Variants in ARHGEF7 observed in about 807,000 individuals in gnomAD.
ARHGEF7 encodes Rho guanine nucleotide exchange factor 7, also known as PAK-interacting exchange factor beta.
A neutral mutation model predicts 109.8 loss-of-function variants in ARHGEF7; 33 were observed. The observed-to-expected ratio is 0.30, with a 90% CI of 0.23 to 0.40. The LOEUF is 0.40. ARHGEF7 is among the 10% of genes least tolerant of loss of function. The pLI is 1.00. For missense variants in ARHGEF7, 938 were observed against 1,098.5 expected, an observed-to-expected ratio of 0.85 and a Z score of 2.07; for synonymous variants, 458 against 424.6, an observed-to-expected ratio of 1.08 and a Z score of -0.97.
In ARHGEF7 at chr13:111,228,841, G is replaced by A. The variant is rs953490083; in HGVS notation, c.671-4364G>A. 5.9e-5 allele frequency among the ~76,000 whole-genome samples: 9 copies of A among 151,990 alleles called. No homozygotes were observed. On this transcript the variant is annotated intron_variant, in intron 5 of 21. Transcript: ENST00000646102. This position sits in a 1 kb window ranked among gnomAD's most constrained non-coding sequence, Gnocchi z 4.6. ...GACGTGGGAATTCCGAGTTTTTCAG[G>A]GCCATGTCTGCTCTGGTGGTTGAAG...
chr13:111,274,896 T>A, intron 11 of ARHGEF7, 106 bp downstream of exon 11: 1 of 765,580 alleles, frequency 1.3e-6, no homozygotes, highest in Non-Finnish European at 1.9e-6. Flanking sequence ...TGACTTGTGC[T>A]GACATGAAAG....
intron 15 of ARHGEF7, 184 bp from the exon 16 acceptor site, chr13:111,282,955 C>G: frequency 1.2e-6 from 1 of 840,438 alleles, no homozygotes. Flanking sequence ...CCAGGTGGCG[C>G]GAGCTAGTGT....
At position 111,217,754 on chromosome 13, in the gene ARHGEF7, C is replaced by T; in HGVS notation, c.544C>T (p.Leu182Phe). Residue 182 changes from leucine (L) to phenylalanine (F), a missense_variant, in exon 5 of 22, where the codon CTT (leucine) becomes TTT (phenylalanine). Physicochemically the swap from Leu to Phe is conservative, Grantham distance 22 (BLOSUM62 0). This residue lies in a region of ARHGEF7 where 585 missense variants were observed against 723.6 expected (regional missense o/e 0.81). Coordinates refer to ENST00000646102, the MANE Select transcript of ARHGEF7 (RefSeq NM_001354046.2). Reference sequence around the variant, plus strand: ...CTTCCAGCAGACCAATGAGGACGAGCTTTCCTTCTCAAAAGGAGACGTCAT... The same window carrying T: ...CTTCCAGCAGACCAATGAGGACGAGTTTTCCTTCTCAAAAGGAGACGTCAT... ...FNFQQTNEDELSFSKGDVIHV... is the reference protein window; with the variant it reads ...FNFQQTNEDEFSFSKGDVIHV... 1 of 1,614,214 alleles carries T rather than the reference C, an allele frequency of 6.2e-7. No individual in the cohort carries two copies. Among genetic ancestry groups the T allele is most frequent in the Non-Finnish European group, 8.5e-7 (1 of 1,180,038 alleles).
At chr13:111,155,899 A>C (rs907628064) in intron 2 of ARHGEF7, among the ~76,000 whole-genome samples, 2 of 151,928 alleles carry the variant, frequency 1.3e-5, no homozygotes, top group Non-Finnish European at 2.9e-5. Context: ...AACATGGTGA[A>C]ACCCTGTCTA....
Position 111,149,575 on chromosome 13 carries a change from A to T in ARHGEF7, c.166-4330A>T, listed in dbSNP as rs115636868. ...CTCTGGCCAGAACATTTTGCCAACCAATCAATACATAACCTTGTTTTATGT... is the reference window on the plus strand; with the variant it reads ...CTCTGGCCAGAACATTTTGCCAACCTATCAATACATAACCTTGTTTTATGT... On this transcript the variant is annotated intron_variant, in intron 1 of 21. Transcript: ENST00000646102. 3.0e-3 allele frequency among the ~76,000 whole-genome samples: 461 copies of T among 152,372 alleles called. 3 individuals carry two copies. The highest frequency in any genetic ancestry group is 0.01 in the African/African-American group (433 of 41,584).
rs543136035 is a variant in ARHGEF7 at position 111,300,353 on chromosome 13, A to T, written c.2312-395A>T. ...ATTGCCAGATCTTTGATGTATAAAC[A>T]CTCACTGTATATGTTCTGATTGGTC... On this transcript the variant is annotated intron_variant, in intron 19 of 21. Transcript: ENST00000646102. Among the ~76,000 whole-genome samples, 3 of 152,338 alleles carry T rather than the reference A, an allele frequency of 2.0e-5. No homozygotes were observed. The South Asian group carries it at 6.2e-4, about 32-fold the overall frequency.
intron 2 of ARHGEF7, among the ~76,000 whole-genome samples, chr13:111,166,015 T>A (rs543036520): frequency 6.6e-6 from 1 of 152,184 alleles, no homozygotes; most frequent in South Asian, 2.1e-4. Flanking sequence ...CCCCACTCCC[T>A]GCCATTAATC....
At chr13:111,137,237 C>T (rs2075129898) in intron 1 of ARHGEF7, among the ~76,000 whole-genome samples, 1 of 152,216 alleles carries the variant, frequency 6.6e-6, no homozygotes, top group Non-Finnish European at 1.5e-5. Context: ...CTCCCTAACT[C>T]ATTGTATGAG....
upstream of ARHGEF7, chr13:111,115,180 G>A (rs2066650536): frequency 6.8e-6 from 1 of 146,668 alleles, no homozygotes; most frequent in Admixed American, 6.8e-5. Context: ...ACGGCCTGGA[G>A]CGGAGGCTGC....
At chr13:111,293,956 TG>T in intron 19 of ARHGEF7, 1 of 985,412 alleles carries the variant, frequency 1.0e-6, no homozygotes, top group South Asian at 4.7e-5. Context: ...TCATTCAGCA[TG>T]GAACAAGCTA....
At chr13:111,278,685 C>T (rs1489217754) in intron 13 of ARHGEF7, among the ~76,000 whole-genome samples, 2 of 152,210 alleles carry the variant, frequency 1.3e-5, no homozygotes, top group African/African-American at 4.8e-5. Context: ...CTACAGTTTC[C>T]CCCAAACTAG....
chr13:111,205,695 C>T (rs1292831907), intron 3 of ARHGEF7, among the ~76,000 whole-genome samples: 1 of 151,994 alleles, frequency 6.6e-6, no homozygotes, highest in African/African-American at 2.4e-5. Context: ...GCACCTTTCT[C>T]TCAGTTTTTA....
intron 6 of ARHGEF7, among the ~76,000 whole-genome samples, chr13:111,243,207 G>A (rs1172528912): frequency 2.7e-5 from 4 of 149,262 alleles, no homozygotes. Context: ...TCAATTTTTA[G>A]ATGCAATCTA....
At chr13:111,205,017 C>T (rs1270307393) in intron 2 of ARHGEF7, among the ~76,000 whole-genome samples, 3 of 148,206 alleles carry the variant, frequency 2.0e-5, no homozygotes, top group South Asian at 2.2e-4. Flanking sequence ...GCCCCGCCCC[C>T]GTGAATGAGC....
At chr13:111,243,849 C>A in intron 6 of ARHGEF7, 23 bp from the exon 7 acceptor site, 1 of 1,463,618 alleles carries the variant, frequency 6.8e-7, no homozygotes, top group Non-Finnish European at 9.5e-7. Flanking sequence ...TGTCAAATAA[C>A]ACTTATTCAT....
intron 2 of ARHGEF7, among the ~76,000 whole-genome samples, chr13:111,189,612 A>G (rs2079633176): frequency 6.6e-6 from 1 of 152,228 alleles, no homozygotes; most frequent in African/African-American, 2.4e-5. Context: ...AAGCTTCCAC[A>G]GCGTGGAAGG....
chr13:111,227,196 G>T (rs75446493), intron 5 of ARHGEF7, among the ~76,000 whole-genome samples: 3,610 of 152,356 alleles, frequency 0.024, 74 homozygotes, highest in Middle Eastern at 0.11. Flanking sequence ...GATTTAGACT[G>T]TTGCAAAAAG....
intron 14 of ARHGEF7, 32 bp downstream of exon 14, chr13:111,280,382 C>T: frequency 1.2e-6 from 2 of 1,601,482 alleles, no homozygotes; most frequent in Non-Finnish European, 1.7e-6. Context: ...AGTGCTGTGT[C>T]TCGGGGAGGA....
In ARHGEF7 at chr13:111,287,214, AG is replaced by A. The variant is rs150506294; in HGVS notation, c.2044+976del. Among the ~76,000 whole-genome samples the A allele has an allele frequency of 6.8e-3, 1,040 of 152,330 alleles. 11 individuals are homozygous for A. Among genetic ancestry groups the A allele is most frequent in the African/African-American group, 0.023 (973 of 41,568 alleles). On this transcript the variant is annotated intron_variant, in intron 17 of 21. Coordinates refer to ENST00000646102, the MANE Select transcript of ARHGEF7 (RefSeq NM_001354046.2). Reference sequence around the variant, plus strand: ...GACTGTCCTTCTCCTTAGGTAGTCCAGGTCCCTGACCACCAGGGCCCCTGAT... The same window carrying A: ...GACTGTCCTTCTCCTTAGGTAGTCCAGTCCCTGACCACCAGGGCCCCTGAT...
Sources: gnomAD v4.1 joint callset for allele counts (sites outside exome capture counted in the v4.1 genomes callset) on GRCh38, gnomAD v4.1.1 for gene constraint, gnomAD v4.1.1 regional missense constraint, Gnocchi (gnomAD v3.1) non-coding constraint, MANE v1.5 for transcripts, NCBI Gene and HGNC (gene_info 2026-07-23, HGNC 2026-07-21) for gene names.